B3GNT5: variants seen among roughly 807,000 people sequenced by gnomAD.
B3GNT5 encodes the protein UDP-GlcNAc:betaGal beta-1,3-N-acetylglucosaminyltransferase 5, also known as lactosylceramide 1,3-N-acetyl-beta-D-glucosaminyltransferase.
B3GNT5 carries 11 observed loss-of-function variants against 25.9 expected under a neutral mutation model. The observed-to-expected ratio is 0.42, with a 90% CI of 0.27 to 0.70. The LOEUF is 0.70. Ranked by LOEUF, B3GNT5 falls within the 30% of genes least tolerant of loss-of-function variation. The pLI is 0.23. For synonymous variants in B3GNT5, 166 were observed against 158.6 expected (o/e 1.05, Z -0.35); for missense variants, 385 against 458.4 (o/e 0.84, Z 1.46).
chr3:183,264,927 ATTC>A (rs1281919342), intron 1 of B3GNT5, among the ~76,000 whole-genome samples: 2 of 152,142 alleles, frequency 1.3e-5, no homozygotes, highest in Non-Finnish European at 2.9e-5. Context: ...TCTATTCTTT[ATTC>A]TTCTGACTAC....
At chr3:183,255,283 G>C (rs536599142) in intron 1 of B3GNT5, among the ~76,000 whole-genome samples, 2 of 152,212 alleles carry the variant, frequency 1.3e-5, no homozygotes, top group African/African-American at 4.8e-5. Context: ...AGGGTGATTA[G>C]TGATCAGCAG....
At chr3:183,254,466 G>C (rs1254876862) in intron 1 of B3GNT5, among the ~76,000 whole-genome samples, 3 of 152,004 alleles carry the variant, frequency 2.0e-5, no homozygotes, top group African/African-American at 7.2e-5. Context: ...GGTGGCCAGC[G>C]GCTGGGACCC....
intron 1 of B3GNT5, among the ~76,000 whole-genome samples, chr3:183,262,543 C>T (rs1725709500): frequency 6.6e-6 from 1 of 152,070 alleles, no homozygotes; most frequent in Non-Finnish European, 1.5e-5. Flanking sequence ...AAATAAGTGG[C>T]TCCCTTGTCT....
rs146983135 is a variant in B3GNT5 at position 183,270,926 on chromosome 3, G to A, written c.1128G>A (p.Ala376=). 1.0e-4 allele frequency: 165 copies of A among 1,573,056 alleles called. 1 individual carries two copies. Among genetic ancestry groups the A allele is most frequent in the East Asian group, 5.8e-4 (26 of 44,694 alleles). Residue 376 remains alanine, a synonymous_variant, in exon 2 of 2, where the codon GCG becomes GCA. Coordinates refer to ENST00000326505, the MANE Select transcript of B3GNT5 (RefSeq NM_032047.5). This position sits in a 1 kb window ranked among gnomAD's most constrained non-coding sequence, Gnocchi z 4.5. The part of the protein sequence containing the change: ...SYVDTYPCRA[A]FI ...TGGACACATACCCTTGTAGGGCTGC[G>A]TTTATCTAATAGTACTTGAATGTTG...
At position 183,267,408 on chromosome 3, in the gene B3GNT5, G is replaced by A. The variant is rs187046613; in HGVS notation, c.-301-2090G>A. 5.1e-4 allele frequency among the ~76,000 whole-genome samples: 77 copies of A among 152,338 alleles called. No homozygotes were observed. Among genetic ancestry groups the A allele is most frequent in the Admixed American group, 4.5e-3 (69 of 15,306 alleles). ...CCACCCTGATGTGGAGTGATCATGGGGGTGGGAAATATAGCTGGATCCGAA... is the reference window on the plus strand; with the variant it reads ...CCACCCTGATGTGGAGTGATCATGGAGGTGGGAAATATAGCTGGATCCGAA... On this transcript the variant is annotated intron_variant, in intron 1 of 1. Transcript: ENST00000326505. This position sits in a 1 kb window ranked among gnomAD's most constrained non-coding sequence, Gnocchi z 5.5.
intron 1 of B3GNT5, chr3:183,254,138 G>T (rs1724793724): frequency 6.6e-6 from 1 of 151,826 alleles, no homozygotes; most frequent in Non-Finnish European, 1.5e-5. Flanking sequence ...CTCCGAGTCT[G>T]CCCACTCCGG....
chr3:183,258,738 TTTTTTA>T (rs1481386437), intron 1 of B3GNT5, among the ~76,000 whole-genome samples: 1 of 152,172 alleles, frequency 6.6e-6, no homozygotes, highest in Non-Finnish European at 1.5e-5. Context: ...TGTACTCTTT[TTTTTTA>T]TTTTTATGTG....
At position 183,270,772 on chromosome 3, in the gene B3GNT5, A is replaced by T. The variant is rs1361220943; in HGVS notation, c.974A>T (p.His325Leu). Residue 325 changes from histidine to leucine, a missense_variant, in exon 2 of 2, where the codon CAC becomes CTC. By Grantham distance (99) the His-to-Leu change is moderately conservative. Transcript: ENST00000326505. The surrounding 1 kb of genome is among the most constrained non-coding windows in gnomAD (Gnocchi z 4.5). ...GAAAAAATGATGACATCTCATGGAC[A>T]CTTAGAAGATCTCCAGGACCTTTGG... ...IYEKMMTSHGHLEDLQDLWKN... is the reference protein window; with the variant it reads ...IYEKMMTSHGLLEDLQDLWKN... The T allele has an allele frequency of 6.2e-7, 1 of 1,613,964 alleles. No homozygotes were observed. Among genetic ancestry groups the T allele is most frequent in the Non-Finnish European group, 8.5e-7 (1 of 1,179,968 alleles).
In B3GNT5 at chr3:183,269,516, A is replaced by C. The variant is rs989846392; in HGVS notation, c.-283A>C. ...GTGATAGGTGGCATGGAATATTCAC[A>C]TGGGAGAGCCGCATGAGGCCGCCCA... On this transcript the variant is annotated 5_prime_UTR_variant, in exon 2 of 2. An upstream start codon of the reference 5' UTR is lost. Transcript: ENST00000326505. 5.8e-6 allele frequency: 2 copies of C among 345,332 alleles called. No homozygotes were observed. The highest frequency in any genetic ancestry group is 4.3e-5 in the African/African-American group (2 of 46,376). 21.4% of individuals were successfully genotyped at this position (345,332 alleles called of 1,614,324 possible). A position where few individuals can be genotyped will look rare whatever the true frequency, so the allele number is the denominator to read the frequency against.
In B3GNT5 at chr3:183,273,006, AGAAG is replaced by A. The variant is rs1384650567; in HGVS notation, c.*2076_*2079del. On this transcript the variant is annotated 3_prime_UTR_variant, in exon 2 of 2. Coordinates refer to ENST00000326505, the MANE Select transcript of B3GNT5 (RefSeq NM_032047.5). ...TATGAAGGCACTTCCTTTTTTTCTA[AGAAG>A]GAAGTTGCTAGATGATTCCTTCATC... 6.1e-6 allele frequency: 9 copies of A among 1,479,322 alleles called. No homozygotes were observed. The South Asian group carries it at 1.3e-4, about 21-fold the overall frequency. The allele number at this position is 1,479,322 out of a possible 1,614,324, so 91.6% of individuals were successfully genotyped here.
chr3:183,270,410 T>C lies in B3GNT5; in HGVS notation c.612T>C (p.Ile204=), dbSNP rs764354287. 8.7e-6 allele frequency: 14 copies of C among 1,614,240 alleles called. No individual in the cohort carries two copies. In the South Asian group the frequency reaches 1.4e-4, roughly 16 times the overall value. ...TATTTATTCACATGCCAAATCTGATTGAGTACCTTCAAAGTTTAGAACAAA... is the reference window on the plus strand; with the variant it reads ...TATTTATTCACATGCCAAATCTGATCGAGTACCTTCAAAGTTTAGAACAAA... The part of the protein sequence containing the change: ...DDIFIHMPNL[I]EYLQSLEQIG... Residue 204 remains isoleucine, a synonymous_variant, in exon 2 of 2, where the codon ATT becomes ATC. Transcript: ENST00000326505. The surrounding 1 kb of genome is among the most constrained non-coding windows in gnomAD (Gnocchi z 4.5).
rs551187877 is a variant in B3GNT5 at position 183,258,843 on chromosome 3, G to A, written c.-302+5371G>A. On this transcript the variant is annotated intron_variant, in intron 1 of 1. Coordinates refer to ENST00000326505, the MANE Select transcript of B3GNT5 (RefSeq NM_032047.5). ...TGAGTCAAATGATCCTCCTGCCTCC[G>A]CCTCCCAAGTAGTTGGGATTACAAG... Among the ~76,000 whole-genome samples, 6 of 152,056 alleles carry A rather than the reference G, an allele frequency of 3.9e-5. No homozygotes were observed. In the East Asian group the frequency reaches 7.7e-4, roughly 20 times the overall value.
intron 1 of B3GNT5, among the ~76,000 whole-genome samples, chr3:183,261,327 G>A (rs965429218): frequency 6.6e-6 from 1 of 152,086 alleles, no homozygotes; most frequent in African/African-American, 2.4e-5. Flanking sequence ...ATGACGAGAA[G>A]AAGCCAGGAA....
In B3GNT5 at chr3:183,267,452, G is replaced by A. The variant is rs1488825592; in HGVS notation, c.-301-2046G>A. Among the ~76,000 whole-genome samples the A allele has an allele frequency of 2.0e-5, 3 of 152,218 alleles. No homozygotes were observed. Among genetic ancestry groups the A allele is most frequent in the Non-Finnish European group, 4.4e-5 (3 of 68,044 alleles). On this transcript the variant is annotated intron_variant, in intron 1 of 1. Transcript: ENST00000326505. This position sits in a 1 kb window ranked among gnomAD's most constrained non-coding sequence, Gnocchi z 5.5. ...ATCCGAAAGCTCTGAAGTGGGGATGGAGGTGTCACAGCTGAGGCTAGGCCC... is the reference window on the plus strand; with the variant it reads ...ATCCGAAAGCTCTGAAGTGGGGATGAAGGTGTCACAGCTGAGGCTAGGCCC...
chr3:183,266,903 C>T (rs1012369209), intron 1 of B3GNT5, among the ~76,000 whole-genome samples: 4 of 151,954 alleles, frequency 2.6e-5, no homozygotes, highest in Admixed American at 2.6e-4. Flanking sequence ...TCTCCTGCCT[C>T]AGCCTCCCAA....
At chr3:183,259,721 C>T (rs1442333125) in intron 1 of B3GNT5, among the ~76,000 whole-genome samples, 4 of 152,110 alleles carry the variant, frequency 2.6e-5, no homozygotes, top group Non-Finnish European at 4.4e-5. Context: ...TTGTCACCCT[C>T]CTGCGACTTT....
chr3:183,268,163 G>A (rs6795339), intron 1 of B3GNT5, among the ~76,000 whole-genome samples: 1 of 152,212 alleles, frequency 6.6e-6, no homozygotes, highest in Non-Finnish European at 1.5e-5. Context: ...AAAGACCAGG[G>A]CATATGAAAT....
chr3:183,258,451 C>T (rs1308841634), intron 1 of B3GNT5: 1 of 152,420 alleles, frequency 6.6e-6, no homozygotes, highest in African/African-American at 2.4e-5. Context: ...TCCTTTCCTC[C>T]CCAAACCCAC....
chr3:183,264,494 G>C (rs1241728972), intron 1 of B3GNT5, among the ~76,000 whole-genome samples: 1 of 152,162 alleles, frequency 6.6e-6, no homozygotes, highest in African/African-American at 2.4e-5. Flanking sequence ...TTTGAGATTG[G>C]AGACTGTAAA....
Sources: gnomAD v4.1 joint callset for allele counts (sites outside exome capture counted in the v4.1 genomes callset) on GRCh38, gnomAD v4.1.1 for gene constraint, Gnocchi (gnomAD v3.1) non-coding constraint, MANE v1.5 for transcripts, NCBI Gene and HGNC (gene_info 2026-07-23, HGNC 2026-07-21) for gene names.